LRRC31: variants seen among roughly 807,000 people sequenced by gnomAD.
LRRC31 encodes the protein leucine-rich repeat-containing protein 31.
Under a neutral mutation model 46.7 loss-of-function variants are expected in LRRC31, and 35 were observed. The ratio of observed to expected loss-of-function variants is 0.75; its 90% CI spans 0.57 to 0.99. The LOEUF (loss-of-function observed/expected upper bound fraction) is 0.99. Ranked by LOEUF, LRRC31 falls within the 50% of genes least tolerant of loss-of-function variation. The pLI is 0.00. For missense variants in LRRC31, 613 were observed against 626.1 expected, an observed-to-expected ratio of 0.98 and a Z score of 0.22; for synonymous variants, 236 against 235.1, an observed-to-expected ratio of 1.00 and a Z score of -0.03.
rs201861612 is a variant in LRRC31, at chr3:169,851,729, T to C, written c.1049A>G (p.Lys350Arg). 80 of 1,614,046 alleles carry C rather than the reference T, an allele frequency of 5.0e-5. No individual in the cohort carries two copies. The highest frequency in any genetic ancestry group is 6.4e-5 in the Non-Finnish European group (75 of 1,179,992). The stretch of plus-strand genomic sequence containing the variant: ...TAAGTTTTCAGAAGAACTGCCCATC[T>C]TTTTGTTGGCTGATAAATCCAATTC... Reference protein sequence around the residue: ...LQELDLSANKKMGSSSENLLS... With the variant: ...LQELDLSANKRMGSSSENLLS... The change falls in exon 7 of 9, where the codon AAG becomes AGG. Residue 350 changes from lysine (K) to arginine (R), a missense_variant. Transcript: ENST00000316428.
At chr3:169,853,730 A>C (rs924761903) in intron 6 of LRRC31, 2 of 982,590 alleles carry the variant, frequency 2.0e-6, no homozygotes. Context: ...GAGAGATAAG[A>C]GTCTGAAAGA....
intron 8 of LRRC31, 76 bp downstream of exon 8, chr3:169,848,044 C>T: frequency 6.8e-7 from 1 of 1,462,360 alleles, no homozygotes; most frequent in Non-Finnish European, 9.3e-7. Context: ...TCCCCCACCT[C>T]CCCACCTGGT....
chr3:169,869,500 G>T, intron 1 of LRRC31, 133 bp downstream of exon 1: 1 of 637,428 alleles, frequency 1.6e-6, no homozygotes, highest in Non-Finnish European at 2.4e-6. Flanking sequence ...TGCCTGTATT[G>T]AAACATCTCA....
Position 169,840,130 on chromosome 3 carries a change from T to TG in LRRC31, c.1510dup (p.His504ProfsTer14). 17 of 1,614,130 alleles carry TG rather than the reference T, an allele frequency of 1.1e-5. No homozygotes were observed. Among genetic ancestry groups the TG allele is most frequent in the Non-Finnish European group, 1.4e-5 (16 of 1,180,028 alleles). On this transcript the variant is annotated frameshift_variant, in exon 9 of 9. Coordinates refer to ENST00000316428, the MANE Select transcript of LRRC31 (RefSeq NM_024727.4). LOFTEE classifies it low-confidence loss of function (END_TRUNC). ...AAGCTTGGTCACAGCATATAACAAG[T>TG]GTCTAAACCATTGTCCACAATCTCG...
chr3:169,858,918 A>C lies in LRRC31; in HGVS notation c.487+1643T>G, dbSNP rs183552671. ...CTACTTGGGAGGCTGAGGCAGGAGA[A>C]TCACTTGAACTCAGGAGGCGGAGGT... On this transcript the variant is annotated intron_variant, in intron 3 of 8. Transcript: ENST00000316428. Among the ~76,000 whole-genome samples the C allele has an allele frequency of 2.4e-3, 357 of 148,936 alleles. 3 individuals carry two copies. Among genetic ancestry groups the C allele is most frequent in the African/African-American group, 8.6e-3 (348 of 40,238 alleles).
At chr3:169,843,360 G>A (rs1427495669) in intron 8 of LRRC31, among the ~76,000 whole-genome samples, 1 of 152,198 alleles carries the variant, frequency 6.6e-6, no homozygotes, top group African/African-American at 2.4e-5. Flanking sequence ...ACAAGAATGA[G>A]CTTGAAAGTG....
chr3:169,854,245 G>T (rs1326571464), intron 6 of LRRC31, among the ~76,000 whole-genome samples: 1 of 152,258 alleles, frequency 6.6e-6, no homozygotes, highest in Non-Finnish European at 1.5e-5. Flanking sequence ...GTGGCCACAG[G>T]TGGGATAAAA....
chr3:169,868,045 G>A (rs1021297381), intron 1 of LRRC31, among the ~76,000 whole-genome samples: 1 of 152,182 alleles, frequency 6.6e-6, no homozygotes, highest in Non-Finnish European at 1.5e-5. Context: ...TGGGAATTGA[G>A]CAATATAATA....
intron 7 of LRRC31, among the ~76,000 whole-genome samples, chr3:169,848,807 T>G (rs1022509958): frequency 1.3e-5 from 2 of 152,202 alleles, no homozygotes; most frequent in Non-Finnish European, 2.9e-5. Context: ...AATGCAAAAC[T>G]TGATAAATTG....
rs140604956 is a variant in LRRC31 at position 169,839,835 on chromosome 3, A to AAT, written c.*145_*146dup. 2.0e-3 allele frequency: 488 copies of AAT among 244,682 alleles called. No homozygotes were observed. Among genetic ancestry groups the AAT allele is most frequent in the Non-Finnish European group, 2.8e-3 (363 of 131,992 alleles). 15.2% of individuals were successfully genotyped at this position (244,682 alleles called of 1,614,324 possible). On this transcript the variant is annotated 3_prime_UTR_variant, in exon 9 of 9. Coordinates refer to ENST00000316428, the MANE Select transcript of LRRC31 (RefSeq NM_024727.4). ...ATATGTATATTACATATATATATGTAATATATATATATATTTACAAAGCTC... is the reference window on the plus strand; with the variant it reads ...ATATGTATATTACATATATATATGTAATATATATATATATATTTACAAAGCTC...
intron 8 of LRRC31, among the ~76,000 whole-genome samples, chr3:169,847,869 T>G (rs1159329573): frequency 6.6e-6 from 1 of 152,238 alleles, no homozygotes; most frequent in Non-Finnish European, 1.5e-5. Context: ...CAGAGCTGTT[T>G]GCCTTTCAGG....
At chr3:169,860,824 C>G in intron 2 of LRRC31, 96 bp from the exon 3 acceptor site, 1 of 1,297,058 alleles carries the variant, frequency 7.7e-7, no homozygotes, top group Middle Eastern at 1.9e-4. Flanking sequence ...TATAGTTTTA[C>G]ACTGTAAGAG....
intron 3 of LRRC31, among the ~76,000 whole-genome samples, chr3:169,858,599 G>A (rs1781043186): frequency 6.6e-6 from 1 of 152,180 alleles, no homozygotes; most frequent in Non-Finnish European, 1.5e-5. Context: ...TACAGAAATT[G>A]TTTAATCCTT....
At chr3:169,851,877 A>T in intron 6 of LRRC31, 91 bp from the exon 7 acceptor site, 1 of 1,300,886 alleles carries the variant, frequency 7.7e-7, no homozygotes, top group Non-Finnish European at 1.1e-6. Flanking sequence ...TTAATCTGTC[A>T]GTCAATACAG....
chr3:169,840,173 G>A lies in LRRC31; in HGVS notation c.1468C>T (p.Leu490Phe), dbSNP rs753047452. The A allele has an allele frequency of 4.3e-6, 7 of 1,614,100 alleles. No homozygotes were observed. Among genetic ancestry groups the A allele is most frequent in the Non-Finnish European group, 4.2e-6 (5 of 1,179,994 alleles). The change falls in exon 9 of 9, where the codon CTT becomes TTT. Residue 490 changes from leucine (L) to phenylalanine (F), a missense_variant. By Grantham distance (22) the Leu-to-Phe change is conservative. Transcript: ENST00000316428. ...LKELIELDIS[L>F]RPSNFRDCGQ... The stretch of plus-strand genomic sequence containing the variant: ...CAATCTCGAAAATTTGATGGTCGAA[G>A]GCTAATATCCAGCTCGATTAGCTCT...
At chr3:169,862,314 T>C (rs1781191473) in intron 1 of LRRC31, among the ~76,000 whole-genome samples, 1 of 152,192 alleles carries the variant, frequency 6.6e-6, no homozygotes, top group Admixed American at 6.5e-5. Context: ...GACCATTCAA[T>C]TGGCAAACAC....
intron 2 of LRRC31, among the ~76,000 whole-genome samples, 185 bp from the exon 3 acceptor site, chr3:169,860,913 A>T (rs1245201192): frequency 2.6e-5 from 4 of 152,172 alleles, no homozygotes. Context: ...TGTGATGTTT[A>T]CATTTGCTAT....
At chr3:169,851,099 A>G (rs146744597) in intron 7 of LRRC31, among the ~76,000 whole-genome samples, 69 of 152,212 alleles carry the variant, frequency 4.5e-4, no homozygotes, top group Non-Finnish European at 7.8e-4. Context: ...GCAGTTAGCT[A>G]GGCTCACACT....
intron 3 of LRRC31, among the ~76,000 whole-genome samples, 181 bp downstream of exon 3, chr3:169,860,380 A>G (rs1781111879): frequency 2.6e-5 from 4 of 151,558 alleles, no homozygotes; most frequent in Non-Finnish European, 4.4e-5. Context: ...GGAGCCCACC[A>G]CCACACCCGG....
Sources: allele counts gnomAD v4.1 joint callset (sites outside exome capture counted in the v4.1 genomes callset), GRCh38; gene constraint gnomAD v4.1.1; transcripts MANE v1.5; gene names NCBI Gene and HGNC (gene_info 2026-07-23, HGNC 2026-07-21).